RGS6: variants seen among roughly 807,000 people sequenced by gnomAD.
The protein encoded by RGS6 is regulator of G-protein signaling 6.
A neutral mutation model predicts 78.5 loss-of-function variants in RGS6; 30 were observed. The ratio of observed to expected loss-of-function variants is 0.38; its 90% CI spans 0.29 to 0.52. The LOEUF is 0.52. Among genes scored for constraint, RGS6 ranks in the 20% least tolerant of loss-of-function variants. The probability of loss-of-function intolerance (pLI) is 0.85; values close to 1 mark genes in which losing one functional copy is unlikely to be tolerated. For synonymous variants in RGS6, 206 were observed against 206.0 expected (o/e 1.00, Z 0.00); for missense variants, 495 against 609.7 (o/e 0.81, Z 1.98).
intron 2 of RGS6, among the ~76,000 whole-genome samples, chr14:72,119,063 G>A (rs924252436): frequency 6.6e-6 from 1 of 152,118 alleles, no homozygotes; most frequent in Non-Finnish European, 1.5e-5. Flanking sequence ...CGTAAAAGTT[G>A]GAGGATATAT....
At chr14:72,618,009 A>T in the RGS6 span, among the ~76,000 whole-genome samples, 2 of 151,986 alleles carry the variant, frequency 1.3e-5, no homozygotes, top group Non-Finnish European at 2.9e-5. Flanking sequence ...ATCTTCCAAC[A>T]CACAGAGTTC....
intron 2 of RGS6, among the ~76,000 whole-genome samples, chr14:72,240,390 T>TC (rs2052468060): frequency 6.6e-6 from 1 of 152,178 alleles, no homozygotes; most frequent in Non-Finnish European, 1.5e-5. Context: ...CTCTTGGCTA[T>TC]CAGAAGTGAG....
chr14:72,001,597 A>G (rs2083450066), intron 2 of RGS6, among the ~76,000 whole-genome samples: 1 of 152,142 alleles, frequency 6.6e-6, no homozygotes, highest in African/African-American at 2.4e-5. Context: ...AAATGATGTT[A>G]TCAGTCCAAA....
At chr14:72,144,831 G>A (rs2096586937) in intron 2 of RGS6, among the ~76,000 whole-genome samples, 1 of 151,964 alleles carries the variant, frequency 6.6e-6, no homozygotes, top group Admixed American at 6.6e-5. Flanking sequence ...ATCGAGACAG[G>A]GGAATTGCAG....
intron 2 of RGS6, among the ~76,000 whole-genome samples, chr14:72,230,341 G>A (rs2238226): frequency 0.12 from 17,507 of 152,176 alleles, 1,261 homozygotes; most frequent in East Asian, 0.33. Context: ...TTGGAATTTA[G>A]AGGTGTTCAG....
chr14:72,383,213 T>TATATATATATATACACAC lies in RGS6; in HGVS notation c.184+31020_184+31021insTATATATATATACACACA, dbSNP rs1387301746. Among the ~76,000 whole-genome samples, 20 of 118,328 alleles carry TATATATATATATACACAC rather than the reference T, an allele frequency of 1.7e-4. 1 individual carries two copies. The highest frequency in any genetic ancestry group is 5.0e-4 in the African/African-American group (16 of 31,908). 77.6% of individuals were successfully genotyped at this position (118,328 alleles called of 152,430 possible). A position where few individuals can be genotyped will look rare whatever the true frequency, so the allele number is the denominator to read the frequency against. ...ATATATATATATATATATATATATA[T>TATATATATATATACACAC]ACACACAAACACACTAGTATGTGTG... On this transcript the variant is annotated intron_variant, in intron 3 of 17. Coordinates refer to ENST00000553525, the MANE Select transcript of RGS6 (RefSeq NM_001204424.2).
rs191274873 is a variant in RGS6, at chr14:72,519,768, T to C, written c.1278+1231T>C. Among the ~76,000 whole-genome samples, 60 of 152,308 alleles carry C rather than the reference T, an allele frequency of 3.9e-4. 1 individual carries two copies. Among genetic ancestry groups the C allele is most frequent in the Admixed American group, 3.7e-3 (57 of 15,304 alleles). ...TGTACGTATGCTTTCAAGCACCATA[T>C]TGACATGGCCAGAGAGGAGAGTGAC... On this transcript the variant is annotated intron_variant, in intron 15 of 17. Transcript: ENST00000553525.
chr14:72,362,888 C>T (rs560182137), intron 3 of RGS6, among the ~76,000 whole-genome samples: 4 of 152,218 alleles, frequency 2.6e-5, no homozygotes, highest in East Asian at 1.9e-4. Flanking sequence ...AATTGAGAAC[C>T]GGACCTTAAA....
At chr14:72,149,389 T>A (rs931516189) in intron 2 of RGS6, among the ~76,000 whole-genome samples, 1 of 152,106 alleles carries the variant, frequency 6.6e-6, no homozygotes, top group Non-Finnish European at 1.5e-5. Flanking sequence ...GACAACATGT[T>A]TTAAAACCAC....
intron 2 of RGS6, among the ~76,000 whole-genome samples, chr14:72,072,389 A>G (rs955006424): frequency 2.0e-5 from 3 of 151,594 alleles, no homozygotes; most frequent in Non-Finnish European, 4.4e-5. Flanking sequence ...GCTCACTGCA[A>G]CCTCTGCCTC....
chr14:72,590,158 G>A, the RGS6 span, among the ~76,000 whole-genome samples: 1 of 152,230 alleles, frequency 6.6e-6, no homozygotes, highest in East Asian at 1.9e-4. Context: ...CAAAGATGTG[G>A]AGCAACTAGA....
At chr14:72,245,723 C>T (rs1273627376) in intron 2 of RGS6, among the ~76,000 whole-genome samples, 1 of 152,140 alleles carries the variant, frequency 6.6e-6, no homozygotes, top group African/African-American at 2.4e-5. Flanking sequence ...CAGTTTATGG[C>T]CAGAGTTTGG....
intron 2 of RGS6, among the ~76,000 whole-genome samples, chr14:72,098,044 AC>A (rs1485002278): frequency 6.6e-6 from 1 of 152,186 alleles, no homozygotes. Flanking sequence ...TCTAAAAATA[AC>A]AAACTGGACC....
intron 3 of RGS6, among the ~76,000 whole-genome samples, chr14:72,438,402 C>G (rs941323650): frequency 2.0e-5 from 3 of 152,270 alleles, no homozygotes; most frequent in Admixed American, 6.5e-5. Context: ...TCTCTCCCCA[C>G]AAATCCAGAT....
intron 2 of RGS6, among the ~76,000 whole-genome samples, chr14:72,061,802 T>A (rs765866505): frequency 6.6e-6 from 1 of 152,244 alleles, no homozygotes; most frequent in Admixed American, 6.5e-5. Context: ...AGTTCTTTAT[T>A]TTTTAGTATG....
intron 2 of RGS6, among the ~76,000 whole-genome samples, chr14:72,099,001 T>C (rs1362439938): frequency 2.0e-5 from 3 of 152,200 alleles, no homozygotes; most frequent in Admixed American, 2.0e-4. Flanking sequence ...ATCCTTAGAA[T>C]TGTATGGCTT....
At chr14:72,605,292 G>A in the RGS6 span, among the ~76,000 whole-genome samples, 127 of 152,340 alleles carry the variant, frequency 8.3e-4, no homozygotes, top group Middle Eastern at 3.4e-3. Context: ...GAGGGAGCAG[G>A]AGCAGGAGGA....
intron 6 of RGS6, among the ~76,000 whole-genome samples, chr14:72,465,266 CT>C (rs2095871789): frequency 6.6e-6 from 1 of 152,080 alleles, no homozygotes; most frequent in Non-Finnish European, 1.5e-5. Context: ...CCAGGCAGAG[CT>C]TTTAGGCACT....
chr14:72,078,569 ACG>A (rs1370396977), intron 2 of RGS6, among the ~76,000 whole-genome samples: 2 of 151,994 alleles, frequency 1.3e-5, no homozygotes, highest in Non-Finnish European at 2.9e-5. Context: ...GCCCGTCACC[ACG>A]CCTAGCTAAT....
Sources: allele counts gnomAD v4.1 joint callset (sites outside exome capture counted in the v4.1 genomes callset), GRCh38; gene constraint gnomAD v4.1.1; transcripts MANE v1.5; gene names NCBI Gene and HGNC (gene_info 2026-07-23, HGNC 2026-07-21).